The following MAP4K4 variants were observed in gnomAD, a reference collection of about 807,000 sequenced individuals.
MAP4K4 encodes HPK/GCK-like kinase HGK.
Under a neutral mutation model 189.6 loss-of-function variants are expected in MAP4K4, and 38 were observed. The observed-to-expected ratio is 0.20, with a 90% CI of 0.15 to 0.26. The LOEUF (loss-of-function observed/expected upper bound fraction) is 0.26, where lower values mean the gene tolerates loss of function less well. Ranked by LOEUF, MAP4K4 falls within the 10% of genes least tolerant of loss-of-function variation. MAP4K4 has a pLI of 1.00. For missense variants in MAP4K4, 1,054 were observed against 1,726.9 expected (o/e 0.61, Z 6.91); for synonymous variants, 610 against 624.3 (o/e 0.98, Z 0.34).
intron 2 of MAP4K4, among the ~76,000 whole-genome samples, chr2:101,755,139 A>G (rs566410376): frequency 1.3e-5 from 2 of 152,068 alleles, no homozygotes; most frequent in South Asian, 4.2e-4. Flanking sequence ...GTGTTTGTCA[A>G]ATACTTAAAA....
intron 2 of MAP4K4, among the ~76,000 whole-genome samples, chr2:101,750,584 G>A (rs1313774571): frequency 2.0e-5 from 3 of 150,754 alleles, no homozygotes; most frequent in African/African-American, 4.9e-5. Flanking sequence ...TGGGTGCAGC[G>A]CACCAACATG....
Position 101,829,604 on chromosome 2 carries a change from G to C in MAP4K4, c.508+10G>C. On this transcript the variant is annotated intron_variant, in intron 6 of 32. Transcript: ENST00000324219. Reference sequence around the variant, plus strand: ...GCAGAGGTGAAACTTGGTATGTAATGGATGTGCGGCGTGATCTCATAATTG... The same window carrying C: ...GCAGAGGTGAAACTTGGTATGTAATCGATGTGCGGCGTGATCTCATAATTG... The C allele has an allele frequency of 6.3e-7, 1 of 1,595,646 alleles. No homozygotes were observed. Among genetic ancestry groups the C allele is most frequent in the Non-Finnish European group, 8.6e-7 (1 of 1,167,248 alleles).
At chr2:101,779,897 A>G (rs115772887) in intron 2 of MAP4K4, among the ~76,000 whole-genome samples, 31 of 152,032 alleles carry the variant, frequency 2.0e-4, no homozygotes, top group Non-Finnish European at 4.3e-4. Flanking sequence ...AGAGCTGTGT[A>G]CAGACTTTGA....
chr2:101,758,708 G>A lies in MAP4K4; in HGVS notation c.124-32012G>A, dbSNP rs577502235. 2.0e-5 allele frequency among the ~76,000 whole-genome samples: 3 copies of A among 152,222 alleles called. No homozygotes were observed. In the East Asian group the frequency reaches 5.8e-4, roughly 29 times the overall value. ...GGAGGAACTACGTGGTCTAAAGAAAGGAAAGAAAATATGAGAAATTTGGCA... is the reference window on the plus strand; with the variant it reads ...GGAGGAACTACGTGGTCTAAAGAAAAGAAAGAAAATATGAGAAATTTGGCA... On this transcript the variant is annotated intron_variant, in intron 2 of 32. Coordinates refer to ENST00000324219, the Ensembl canonical transcript of MAP4K4.
intron 2 of MAP4K4, among the ~76,000 whole-genome samples, chr2:101,790,027 A>G (rs1476210225): frequency 6.6e-6 from 1 of 152,208 alleles, no homozygotes; most frequent in Non-Finnish European, 1.5e-5. Flanking sequence ...AAAGAAGTGT[A>G]TAAAGAAGTT....
intron 2 of MAP4K4, among the ~76,000 whole-genome samples, chr2:101,788,510 G>A (rs2092161029): frequency 6.6e-6 from 1 of 152,138 alleles, no homozygotes; most frequent in South Asian, 2.1e-4. Flanking sequence ...ATTTTTCCCG[G>A]TACAGTGTCT....
At chr2:101,852,050 C>T (rs1200190635) in intron 12 of MAP4K4, among the ~76,000 whole-genome samples, 1 of 151,644 alleles carries the variant, frequency 6.6e-6, no homozygotes, top group Non-Finnish European at 1.5e-5. Flanking sequence ...AACCCTTGGG[C>T]TTGAGAGCTC....
intron 2 of MAP4K4, among the ~76,000 whole-genome samples, chr2:101,754,539 A>T (rs924280154): frequency 7.3e-5 from 11 of 151,722 alleles, no homozygotes; most frequent in Admixed American, 6.6e-4. Flanking sequence ...TTTAGTAGAG[A>T]CAGGATATCA....
intron 26 of MAP4K4, among the ~76,000 whole-genome samples, chr2:101,874,693 G>C (rs1468755932): frequency 6.6e-6 from 1 of 152,170 alleles, no homozygotes; most frequent in Non-Finnish European, 1.5e-5. Context: ...ACTGCAACAT[G>C]CAACCCAGTG....
rs149283961 is a variant in MAP4K4 at position 101,729,101 on chromosome 2, A to AGAGTGTGTGTGTGT, written c.123+30564_123+30565insAGTGTGTGTGTGTG. ...AGGAGAGAGAGAGAGAGAGAGAGAGAGTGTGTGTGTGTGTGTGTGTGTGTG... is the reference window on the plus strand; with the variant it reads ...AGGAGAGAGAGAGAGAGAGAGAGAGAGAGTGTGTGTGTGTGTGTGTGTGTGTGTGTGTGTGTGTG... On this transcript the variant is annotated intron_variant, in intron 2 of 32. Coordinates refer to ENST00000324219, the Ensembl canonical transcript of MAP4K4. 6.8e-3 allele frequency among the ~76,000 whole-genome samples: 887 copies of AGAGTGTGTGTGTGT among 130,556 alleles called. 12 individuals carry two copies. Among genetic ancestry groups the AGAGTGTGTGTGTGT allele is most frequent in the Non-Finnish European group, 9.6e-3 (608 of 63,388 alleles). 85.6% of individuals were successfully genotyped at this position (130,556 alleles called of 152,430 possible).
intron 2 of MAP4K4, among the ~76,000 whole-genome samples, chr2:101,730,528 G>T (rs2057965189): frequency 6.6e-6 from 1 of 152,152 alleles, no homozygotes; most frequent in Non-Finnish European, 1.5e-5. Context: ...GTGCCCTATT[G>T]TCCCGTGGGT....
At chr2:101,790,449 A>G (rs184687702) in intron 2 of MAP4K4, among the ~76,000 whole-genome samples, 64 of 152,340 alleles carry the variant, frequency 4.2e-4, no homozygotes, top group Non-Finnish European at 7.1e-4. Flanking sequence ...TCTTTGAGAT[A>G]GTGTTATGTA....
At chr2:101,765,643 G>C (rs542209314) in intron 2 of MAP4K4, among the ~76,000 whole-genome samples, 47 of 152,216 alleles carry the variant, frequency 3.1e-4, no homozygotes, top group African/African-American at 1.1e-3. Context: ...GAAGTATCTT[G>C]ATCTCTGTAT....
At position 101,814,300 on chromosome 2, in the gene MAP4K4, TC is replaced by T. The variant is rs572762619; in HGVS notation, c.181-9627del. ...GAATTAAAATACCTTGATTCTATTTTCTATTTTACCCAAGTCTGTGACACTT... is the reference window on the plus strand; with the variant it reads ...GAATTAAAATACCTTGATTCTATTTTTATTTTACCCAAGTCTGTGACACTT... On this transcript the variant is annotated intron_variant, in intron 3 of 32. Transcript: ENST00000324219. Among the ~76,000 whole-genome samples, 11 of 152,350 alleles carry T rather than the reference TC, an allele frequency of 7.2e-5. No individual in the cohort carries two copies. In the East Asian group the frequency reaches 2.1e-3, roughly 29 times the overall value.
chr2:101,836,505 T>A (rs966647721), intron 9 of MAP4K4, among the ~76,000 whole-genome samples: 1 of 151,814 alleles, frequency 6.6e-6, no homozygotes. Flanking sequence ...GGAGAATCGC[T>A]GGAACCCAGA....
chr2:101,872,415 G>GTGT (rs1408604888), intron 24 of MAP4K4, among the ~76,000 whole-genome samples: 3 of 152,124 alleles, frequency 2.0e-5, no homozygotes, highest in African/African-American at 7.2e-5. Flanking sequence ...CTCGGTCTGG[G>GTGT]TGTTAGCTCA....
At chr2:101,730,595 C>G (rs2057991771) in intron 2 of MAP4K4, among the ~76,000 whole-genome samples, 1 of 152,146 alleles carries the variant, frequency 6.6e-6, no homozygotes, top group African/African-American at 2.4e-5. Context: ...GAATGCCCAG[C>G]AGCACTGGAC....
At chr2:101,891,268 A>T in exon 33 of MAP4K4, 1 of 1,602,720 alleles carries the variant, frequency 6.2e-7, no homozygotes, top group Non-Finnish European at 8.5e-7. Context: ...TGATCCAGGG[A>T]TTACTGGCCT....
intron 13 of MAP4K4, 141 bp downstream of exon 13, chr2:101,856,279 A>G (rs1214694537): frequency 1.2e-5 from 9 of 743,162 alleles, no homozygotes; most frequent in Non-Finnish European, 1.9e-5. Context: ...CTTCAGATGT[A>G]TGAACGTGGT....
Sources: allele counts gnomAD v4.1 joint callset (sites outside exome capture counted in the v4.1 genomes callset), GRCh38; gene constraint gnomAD v4.1.1; transcripts MANE v1.5; gene names NCBI Gene and HGNC (gene_info 2026-07-23, HGNC 2026-07-21).